ARHGAP5: variants seen among roughly 807,000 people sequenced by gnomAD.
ARHGAP5 encodes the protein Rho GTPase activating protein 5.
Under a neutral mutation model 116.6 loss-of-function variants are expected in ARHGAP5, and 23 were observed. The ratio of observed to expected loss-of-function variants is 0.20; its 90% CI spans 0.14 to 0.28. The LOEUF is 0.28. Among genes scored for constraint, ARHGAP5 ranks in the 10% least tolerant of loss-of-function variants. The pLI, the probability that ARHGAP5 is intolerant of heterozygous loss-of-function variation, is 1.00. For synonymous variants in ARHGAP5, 574 were observed against 602.0 expected (o/e 0.95, Z 0.68); for missense variants, 1,405 against 1,774.8 (o/e 0.79, Z 3.74).
chr14:32,126,970 A>G (rs1880186932), intron 3 of ARHGAP5, among the ~76,000 whole-genome samples: 1 of 151,838 alleles, frequency 6.6e-6, no homozygotes, highest in Non-Finnish European at 1.5e-5. Flanking sequence ...TTTTACCACA[A>G]TAAAAAAAAA....
intron 1 of ARHGAP5, among the ~76,000 whole-genome samples, chr14:32,080,659 C>T (rs116367976): frequency 0.019 from 2,837 of 152,180 alleles, 92 homozygotes; most frequent in African/African-American, 0.065. Context: ...TTAAGAGGTG[C>T]AGGAAAGAGA....
rs1376601585 is a variant in ARHGAP5, at chr14:32,156,924, TG to T, written c.*1977del. The T allele has an allele frequency of 6.6e-6, 1 of 152,426 alleles. No homozygotes were observed. Among genetic ancestry groups the T allele is most frequent in the African/African-American group, 2.4e-5 (1 of 41,458 alleles). 9.4% of individuals were successfully genotyped at this position (152,426 alleles called of 1,614,324 possible). ...AACTGTTCGTGTCTTCAGTTCATTC[TG>T]TCATAACTTTGCTATTGTAATATGT... On this transcript the variant is annotated 3_prime_UTR_variant, in exon 7 of 7. Coordinates refer to ENST00000345122, the MANE Select transcript of ARHGAP5 (RefSeq NM_001030055.2).
chr14:32,079,032 G>A (rs987799110), intron 1 of ARHGAP5, among the ~76,000 whole-genome samples: 4 of 151,986 alleles, frequency 2.6e-5, no homozygotes, highest in Non-Finnish European at 4.4e-5. Context: ...ACCTTTATCT[G>A]TAGTACAAAG....
chr14:32,135,078 T>G (rs1302935741), intron 3 of ARHGAP5, among the ~76,000 whole-genome samples: 1 of 152,228 alleles, frequency 6.6e-6, no homozygotes, highest in East Asian at 1.9e-4. Context: ...AACATCTGTT[T>G]TACAGGGAAG....
chr14:32,140,094 G>GTTTTTTT (rs1566681674), intron 3 of ARHGAP5, among the ~76,000 whole-genome samples: 35 of 32,360 alleles, frequency 1.1e-3, no homozygotes, highest in East Asian at 1.8e-3. Flanking sequence ...TAGGTTATTT[G>GTTTTTTT]TTCTTTTTTT....
chr14:32,104,079 T>G (rs545284218), intron 2 of ARHGAP5, among the ~76,000 whole-genome samples: 1 of 152,270 alleles, frequency 6.6e-6, no homozygotes, highest in African/African-American at 2.4e-5. Context: ...TACTGGAGTT[T>G]TAACGGTTTC....
chr14:32,125,617 C>A (rs1880114129), intron 3 of ARHGAP5, among the ~76,000 whole-genome samples: 1 of 152,214 alleles, frequency 6.6e-6, no homozygotes, highest in African/African-American at 2.4e-5. Context: ...GTTCAAATTT[C>A]TCCATGTTGT....
At position 32,093,319 on chromosome 14, in the gene ARHGAP5, G is replaced by A; in HGVS notation, c.2650G>A (p.Val884Ile). Residue 884 changes from valine to isoleucine, a missense_variant, in exon 2 of 7, where the codon GTT (valine) becomes ATT (isoleucine). Physicochemically the swap from Val to Ile is conservative, Grantham distance 29. Coordinates refer to ENST00000345122, the MANE Select transcript of ARHGAP5 (RefSeq NM_001030055.2). ...CACCATTCCTGTACAGCTGGTGGCA[G>A]TTACTGACAGCCAAGCAGATTTTTT... The part of the protein sequence containing the change: ...QDTIPVQLVA[V>I]TDSQADFFEN... The A allele has an allele frequency of 6.2e-7, 1 of 1,613,948 alleles. No individual in the cohort carries two copies. The highest frequency in any genetic ancestry group is 8.5e-7 in the Non-Finnish European group (1 of 1,179,926).
chr14:32,132,112 G>T (rs1280533827), intron 3 of ARHGAP5, among the ~76,000 whole-genome samples: 2 of 152,130 alleles, frequency 1.3e-5, no homozygotes, highest in Non-Finnish European at 2.9e-5. Context: ...TAATGAGATG[G>T]CTGGGTCAAA....
At position 32,154,607 on chromosome 14, in the gene ARHGAP5, T is replaced by C. The variant is rs1474950417; in HGVS notation, c.4182-14T>C. 3 of 1,571,606 alleles carry C rather than the reference T, an allele frequency of 1.9e-6. No individual in the cohort carries two copies. The highest frequency in any genetic ancestry group is 3.6e-5 in the Admixed American group (2 of 54,846). ...GTTTTGATTTCTAAATGTTTTTTCC[T>C]TTCATAATTTCAGGGTTAGTCAGCA... On this transcript the variant is annotated splice_polypyrimidine_tract_variant and intron_variant, in intron 6 of 6. Transcript: ENST00000345122.
chr14:32,128,409 C>T (rs1880302362), intron 3 of ARHGAP5, among the ~76,000 whole-genome samples: 1 of 152,252 alleles, frequency 6.6e-6, no homozygotes, highest in Admixed American at 6.5e-5. Flanking sequence ...ACAGGTTCAT[C>T]CTCACACCAA....
At chr14:32,094,932 C>CTGCTTTATTTTCTA (rs1878445759) in intron 2 of ARHGAP5, among the ~76,000 whole-genome samples, 2 of 152,118 alleles carry the variant, frequency 1.3e-5, no homozygotes, top group Non-Finnish European at 2.9e-5. Context: ...TTTACATTTT[C>CTGCTTTATTTTCTA]AGTAGGTATT....
At chr14:32,120,634 C>T (rs1402530723) in intron 3 of ARHGAP5, among the ~76,000 whole-genome samples, 1 of 146,884 alleles carries the variant, frequency 6.8e-6, no homozygotes, top group Non-Finnish European at 1.5e-5. Flanking sequence ...ATTAACTCAT[C>T]GGTTATTAGA....
At chr14:32,141,179 C>T (rs1040721309) in intron 3 of ARHGAP5, among the ~76,000 whole-genome samples, 3 of 152,116 alleles carry the variant, frequency 2.0e-5, no homozygotes, top group Admixed American at 1.3e-4. Flanking sequence ...TATCCTTTTA[C>T]GTTCAACATA....
At chr14:32,151,205 T>A (rs1202586159) in intron 5 of ARHGAP5, among the ~76,000 whole-genome samples, 1 of 152,244 alleles carries the variant, frequency 6.6e-6, no homozygotes, top group African/African-American at 2.4e-5. Flanking sequence ...CATTCCTACT[T>A]AGGAAATTTT....
intron 3 of ARHGAP5, among the ~76,000 whole-genome samples, chr14:32,138,636 A>C (rs145210533): frequency 5.3e-5 from 8 of 152,158 alleles, no homozygotes; most frequent in African/African-American, 1.7e-4. Flanking sequence ...CATGTAAGTC[A>C]TGTCATCTGT....
intron 3 of ARHGAP5, among the ~76,000 whole-genome samples, chr14:32,132,049 G>A (rs1359944237): frequency 6.6e-6 from 1 of 152,172 alleles, no homozygotes; most frequent in Non-Finnish European, 1.5e-5. Context: ...AAACATACAG[G>A]TGCATGTGTC....
chr14:32,098,083 T>C (rs1403956932), intron 2 of ARHGAP5, among the ~76,000 whole-genome samples: 3 of 152,216 alleles, frequency 2.0e-5, no homozygotes, highest in African/African-American at 7.2e-5. Context: ...TTTCAAAAGT[T>C]TTTAAGAAAT....
At chr14:32,083,137 A>G (rs2041795171) in intron 1 of ARHGAP5, among the ~76,000 whole-genome samples, 1 of 152,272 alleles carries the variant, frequency 6.6e-6, no homozygotes, top group African/African-American at 2.4e-5. Context: ...AGGTTCACTC[A>G]AATCCTTCCT....
Sources: allele counts gnomAD v4.1 joint callset (sites outside exome capture counted in the v4.1 genomes callset), GRCh38; gene constraint gnomAD v4.1.1; transcripts MANE v1.5; gene names NCBI Gene and HGNC (gene_info 2026-07-23, HGNC 2026-07-21).